The following SVEP1 variants were observed in gnomAD, a reference collection of about 807,000 sequenced individuals.
SVEP1 encodes the protein sushi, von Willebrand factor type A, EGF and pentraxin domain-containing protein 1.
SVEP1 carries 164 observed loss-of-function variants against 367.3 expected under a neutral mutation model. The observed-to-expected ratio is 0.45, with a 90% CI of 0.39 to 0.51. The LOEUF (loss-of-function observed/expected upper bound fraction) is 0.51, where lower values mean the gene tolerates loss of function less well. SVEP1 is among the 20% of genes least tolerant of loss of function. SVEP1 has a pLI of 0.00. For missense variants in SVEP1, 4,117 were observed against 4,425.3 expected, an observed-to-expected ratio of 0.93 and a Z score of 1.98; for synonymous variants, 1,666 against 1,611.6, an observed-to-expected ratio of 1.03 and a Z score of -0.81.
chr9:110,470,352 G>C (rs113439842), intron 16 of SVEP1, among the ~76,000 whole-genome samples: 1,859 of 152,008 alleles, frequency 0.012, 33 homozygotes, highest in African/African-American at 0.042. Flanking sequence ...TATGTTACGT[G>C]AACTTCACCT....
intron 3 of SVEP1, among the ~76,000 whole-genome samples, chr9:110,516,008 C>T (rs1329643315): frequency 1.3e-5 from 2 of 152,048 alleles, no homozygotes; most frequent in Middle Eastern, 3.5e-3. Context: ...TGAATCCAGA[C>T]AATTCAGAAC....
intron 18 of SVEP1, among the ~76,000 whole-genome samples, chr9:110,463,441 T>C (rs1460039854): frequency 6.6e-6 from 1 of 152,068 alleles, no homozygotes; most frequent in Non-Finnish European, 1.5e-5. Flanking sequence ...AATAATATTT[T>C]AAGTGCCACA....
rs75093816 is a variant in SVEP1, at chr9:110,444,301, C to T, written c.4464-581G>A. On this transcript the variant is annotated intron_variant, in intron 26 of 47. Coordinates refer to ENST00000374469, the MANE Select transcript of SVEP1 (RefSeq NM_153366.4). ...GGTCATGAAGGCTCTGAAGAGACCA[C>T]TTGCACCTTCGCCATGTGAAGACAG... 8.6e-3 allele frequency among the ~76,000 whole-genome samples: 1,305 copies of T among 152,298 alleles called. 10 individuals carry two copies. The highest frequency in any genetic ancestry group is 0.015 in the Non-Finnish European group (1,015 of 68,030).
At chr9:110,488,552 C>G (rs59558550) in intron 9 of SVEP1, among the ~76,000 whole-genome samples, 4,288 of 152,142 alleles carry the variant, frequency 0.028, 193 homozygotes, top group African/African-American at 0.098. Context: ...GTTTTGGTAA[C>G]AAGTGTGTGG....
intron 45 of SVEP1, 181 bp downstream of exon 45, chr9:110,377,090 G>C: frequency 2.1e-6 from 1 of 469,494 alleles, no homozygotes; most frequent in East Asian, 3.1e-5. Context: ...TATTTTCAAA[G>C]TCATTAATAT....
At chr9:110,519,169 A>T (rs982537085) in intron 3 of SVEP1, among the ~76,000 whole-genome samples, 1 of 152,078 alleles carries the variant, frequency 6.6e-6, no homozygotes, top group African/African-American at 2.4e-5. Context: ...CTTTCCTTGT[A>T]TATTTTTGTT....
intron 40 of SVEP1, among the ~76,000 whole-genome samples, chr9:110,398,189 A>T (rs1046797746): frequency 1.1e-4 from 16 of 152,168 alleles, no homozygotes; most frequent in Admixed American, 2.6e-4. Context: ...ATTATGCTGC[A>T]TATCTACAAC....
chr9:110,481,583 G>C (rs1292201920), intron 11 of SVEP1, 147 bp from the exon 12 acceptor site: 2 of 499,266 alleles, frequency 4.0e-6, no homozygotes, highest in African/African-American at 2.0e-5. Flanking sequence ...TAGTGCAGGA[G>C]AAGGACAACA....
chr9:110,538,139 T>C (rs1269465907), intron 3 of SVEP1, among the ~76,000 whole-genome samples: 1 of 151,968 alleles, frequency 6.6e-6, no homozygotes, highest in Non-Finnish European at 1.5e-5. Flanking sequence ...ATTTTATGTG[T>C]GTTACAATCA....
chr9:110,434,467 G>T lies in SVEP1; in HGVS notation c.4928C>A (p.Thr1643Asn). The part of the protein sequence containing the change: ...RLGGSVPHLR[T>N]ASEDLKPGSK... The stretch of plus-strand genomic sequence containing the variant: ...ACCTGGCTTTAAATCTTCAGATGCA[G>T]TTCTCAGATGAGGCACTGACCCTCC... Residue 1643 changes from threonine to asparagine, a missense_variant, in exon 30 of 48, where the codon ACT (threonine) becomes AAT (asparagine). Coordinates refer to ENST00000374469, the MANE Select transcript of SVEP1 (RefSeq NM_153366.4). 6.2e-7 allele frequency: 1 copy of T among 1,613,430 alleles called. No individual in the cohort carries two copies. The highest frequency in any genetic ancestry group is 8.5e-7 in the Non-Finnish European group (1 of 1,179,696).
intron 40 of SVEP1, among the ~76,000 whole-genome samples, chr9:110,399,815 T>C (rs1211936494): frequency 3.9e-5 from 6 of 152,176 alleles, no homozygotes; most frequent in Non-Finnish European, 8.8e-5. Context: ...ATTACAGGTG[T>C]GAGTCACGAC....
intron 35 of SVEP1, among the ~76,000 whole-genome samples, chr9:110,428,064 G>C (rs1828281754): frequency 6.6e-6 from 1 of 152,068 alleles, no homozygotes. Flanking sequence ...AGATTACTTG[G>C]ATGAGAAGGG....
chr9:110,390,284 T>TACATACTTATATATAC, intron 40 of SVEP1, among the ~76,000 whole-genome samples: 1 of 52,322 alleles, frequency 1.9e-5, no homozygotes, highest in South Asian at 5.2e-4. Flanking sequence ...CTTATATATA[T>TACATACTTATATATAC]ACATACTTAT....
Position 110,457,390 on chromosome 9 carries a change from A to C in SVEP1, c.3577-38T>G, listed in dbSNP as rs749902133. 10 of 1,490,050 alleles carry C rather than the reference A, an allele frequency of 6.7e-6. No individual in the cohort carries two copies. The East Asian group carries it at 2.0e-4, about 30-fold the overall frequency. The allele number at this position is 1,490,050 out of a possible 1,614,324, so 92.3% of individuals were successfully genotyped here. A position where few individuals can be genotyped will look rare whatever the true frequency, so the allele number is the denominator to read the frequency against. ...TAAAAAAATCAATCAGAGACAAAGCACTCTATTTATTTCAAAGCAGTCCTG... is the reference window on the plus strand; with the variant it reads ...TAAAAAAATCAATCAGAGACAAAGCCCTCTATTTATTTCAAAGCAGTCCTG... On this transcript the variant is annotated intron_variant, in intron 20 of 47. Coordinates refer to ENST00000374469, the MANE Select transcript of SVEP1 (RefSeq NM_153366.4).
intron 1 of SVEP1, among the ~76,000 whole-genome samples, chr9:110,555,065 A>T (rs1830338888): frequency 6.6e-6 from 1 of 152,150 alleles, no homozygotes; most frequent in Admixed American, 6.5e-5. Flanking sequence ...TTTCTGTCTG[A>T]GTTGTTCCCC....
At chr9:110,460,156 T>C (rs1828835347) in intron 18 of SVEP1, among the ~76,000 whole-genome samples, 1 of 152,184 alleles carries the variant, frequency 6.6e-6, no homozygotes, top group African/African-American at 2.4e-5. Flanking sequence ...AATTGTAATT[T>C]GATTTTTTGA....
At chr9:110,468,876 C>T (rs1828976562) in intron 17 of SVEP1, 64 bp downstream of exon 17, 1 of 1,444,264 alleles carries the variant, frequency 6.9e-7, no homozygotes, top group African/African-American at 1.4e-5. Context: ...ATAAATCTTT[C>T]TTTCCCCCAA....
chr9:110,550,229 C>T, intron 1 of SVEP1, 125 bp from the exon 2 acceptor site: 3 of 1,280,024 alleles, frequency 2.3e-6, no homozygotes, highest in Non-Finnish European at 3.3e-6. Context: ...GATGGAAGCC[C>T]TAGTCAGAGT....
chr9:110,464,450 T>C (rs1828905768), intron 18 of SVEP1, among the ~76,000 whole-genome samples: 2 of 152,206 alleles, frequency 1.3e-5, no homozygotes, highest in South Asian at 2.1e-4. Context: ...TGTTTCCTTT[T>C]CTCCCAATGC....
Sources: gnomAD v4.1 joint callset for allele counts (sites outside exome capture counted in the v4.1 genomes callset) on GRCh38, gnomAD v4.1.1 for gene constraint, MANE v1.5 for transcripts, NCBI Gene and HGNC (gene_info 2026-07-23, HGNC 2026-07-21) for gene names.